Variants in STK11IP observed in about 807,000 individuals in gnomAD.
The protein encoded by STK11IP is serine/threonine kinase 11 interacting protein.
In STK11IP, 103 loss-of-function variants were observed where a neutral mutation model predicts 131.7. That is an observed-to-expected ratio of 0.78 (90% CI 0.67 to 0.92). The LOEUF is 0.92. Among genes scored for constraint, STK11IP ranks in the 40% least tolerant of loss-of-function variants. The probability of loss-of-function intolerance (pLI) is 0.00; values close to 1 mark genes in which losing one functional copy is unlikely to be tolerated. For synonymous variants in STK11IP, 557 were observed against 575.6 expected, an observed-to-expected ratio of 0.97 and a Z score of 0.46; for missense variants, 1,315 against 1,385.7, an observed-to-expected ratio of 0.95 and a Z score of 0.81.
In STK11IP at chr2:219,608,114, C is replaced by G. The variant is rs1206807440; in HGVS notation, c.1287C>G (p.Asn429Lys). The G allele has an allele frequency of 6.2e-7, 1 of 1,613,342 alleles. No homozygotes were observed. The highest frequency in any genetic ancestry group is 1.3e-5 in the African/African-American group (1 of 75,040). ...GCTTCCGGGAACGGTTCGGCCGCAACTGGCTGCAGTACAGGAGTCACCTGG... is the reference window on the plus strand; with the variant it reads ...GCTTCCGGGAACGGTTCGGCCGCAAGTGGCTGCAGTACAGGAGTCACCTGG... Reference protein sequence around the residue: ...MSSFRERFGRNWLQYRSHLEP... With the variant: ...MSSFRERFGRKWLQYRSHLEP... Residue 429 changes from asparagine to lysine, a missense_variant, in exon 14 of 25, where the codon AAC (asparagine) becomes AAG (lysine). Asn to Lys is a moderately conservative substitution (Grantham distance 94, BLOSUM62 0). Coordinates refer to ENST00000456909, the MANE Select transcript of STK11IP (RefSeq NM_052902.4).
At chr2:219,615,765 C>T (rs1031514443) in intron 24 of STK11IP, 5 of 672,492 alleles carry the variant, frequency 7.4e-6, no homozygotes, top group African/African-American at 3.5e-5. Context: ...GTGGTGGAGC[C>T]GGGAATTGAA....
chr2:219,614,048 G>A (rs1454733625), intron 21 of STK11IP, 113 bp from the exon 22 acceptor site: 1 of 1,521,430 alleles, frequency 6.6e-7, no homozygotes. Context: ...CTTGTCCCTT[G>A]TAGAAGTTTC....
At chr2:219,606,113 A>T (rs1377103029) in intron 9 of STK11IP, 54 bp downstream of exon 9, 1 of 1,545,248 alleles carries the variant, frequency 6.5e-7, no homozygotes, top group South Asian at 1.2e-5. Flanking sequence ...GTACCCCCCC[A>T]TGCTGGTTTG....
intron 5 of STK11IP, 54 bp from the exon 6 acceptor site, chr2:219,602,414 G>C: frequency 1.5e-6 from 2 of 1,360,442 alleles, no homozygotes; most frequent in East Asian, 4.6e-5. Context: ...GCTTGGCCTT[G>C]GCATAGGGAG....
chr2:219,609,156 T>G lies in STK11IP; in HGVS notation c.1869T>G (p.Pro623=). 6.2e-7 allele frequency: 1 copy of G among 1,610,780 alleles called. No homozygotes were observed. The highest frequency in any genetic ancestry group is 8.5e-7 in the Non-Finnish European group (1 of 1,178,650). The change falls in exon 16 of 25, where the codon CCT becomes CCG. Residue 623 remains proline, a synonymous_variant. Transcript: ENST00000456909. ...GTCTGCGCTTCTCCTACATCTGCCC[T>G]GACCGGCAGTTGCGTCGCTATTTGG... ...ILSLRFSYIC[P]DRQLRRYLVL... is the part of the protein sequence containing the mutation.
intron 13 of STK11IP, 37 bp downstream of exon 13, chr2:219,607,174 C>T: frequency 6.3e-7 from 1 of 1,590,238 alleles, no homozygotes; most frequent in Non-Finnish European, 8.6e-7. Context: ...CTCTCGTCCC[C>T]AGCGAGCTCA....
In STK11IP at chr2:219,606,182, TC is replaced by T; in HGVS notation, c.850-11del. 1.3e-6 allele frequency: 2 copies of T among 1,557,582 alleles called. No individual in the cohort carries two copies. The highest frequency in any genetic ancestry group is 1.7e-6 in the Non-Finnish European group (2 of 1,150,172). Reference sequence around the variant, plus strand: ...CCCCAGGCCCTCCTCATTCTCCCCTTCCTGCCCCTCAGCTCTACCTGGAGGG... The same window carrying T: ...CCCCAGGCCCTCCTCATTCTCCCCTTCTGCCCCTCAGCTCTACCTGGAGGG... On this transcript the variant is annotated splice_polypyrimidine_tract_variant and intron_variant, in intron 9 of 24. Transcript: ENST00000456909.
At chr2:219,613,952 C>A in intron 21 of STK11IP, 22 bp downstream of exon 21, 1 of 1,162,034 alleles carries the variant, frequency 8.6e-7, no homozygotes, top group Admixed American at 2.4e-5. Context: ...GAGGGGAAGG[C>A]AGGAGGGTGG....
At chr2:219,604,828 T>C (rs1698097716) in intron 7 of STK11IP, among the ~76,000 whole-genome samples, 1 of 151,610 alleles carries the variant, frequency 6.6e-6, no homozygotes, top group African/African-American at 2.4e-5. Context: ...TGGACTTTTT[T>C]CCTTTTTTTT....
Position 219,616,291 on chromosome 2 carries a change from G to A in STK11IP, c.*98G>A. 2 of 1,439,706 alleles carry A rather than the reference G, an allele frequency of 1.4e-6. No individual in the cohort carries two copies. Among genetic ancestry groups the A allele is most frequent in the Non-Finnish European group, 1.9e-6 (2 of 1,075,148 alleles). 89.2% of individuals were successfully genotyped at this position (1,439,706 alleles called of 1,614,324 possible). A position where few individuals can be genotyped will look rare whatever the true frequency, so the allele number is the denominator to read the frequency against. ...TGGCTTCCAGGCTCTGGCTGTGGAT[G>A]TCTTCAGCCTCTGGGTGCTGGCCAG... On this transcript the variant is annotated 3_prime_UTR_variant, in exon 25 of 25. Coordinates refer to ENST00000456909, the MANE Select transcript of STK11IP (RefSeq NM_052902.4).
At position 219,606,510 on chromosome 2, in the gene STK11IP, A is replaced by C; in HGVS notation, c.980A>C (p.Asp327Ala). 1.9e-6 allele frequency: 3 copies of C among 1,612,560 alleles called. No individual in the cohort carries two copies. In the East Asian group the frequency reaches 6.7e-5, roughly 36 times the overall value. ...LLDGKVLSLT[D>A]FQTHTSLGLS... is the part of the protein sequence containing the mutation. Reference sequence around the variant, plus strand: ...GATGGCAAGGTCTTGTCACTGACAGATTTTCAGGTCGGTGTGGTTGGGGGG... The same window carrying C: ...GATGGCAAGGTCTTGTCACTGACAGCTTTTCAGGTCGGTGTGGTTGGGGGG... The change falls in exon 11 of 25, where the codon GAT becomes GCT. Residue 327 changes from aspartate (D) to alanine (A), a missense_variant. Coordinates refer to ENST00000456909, the MANE Select transcript of STK11IP (RefSeq NM_052902.4).
Position 219,608,038 on chromosome 2 carries a change from C to T in STK11IP, c.1220-9C>T, listed in dbSNP as rs761238070. On this transcript the variant is annotated splice_polypyrimidine_tract_variant and intron_variant, in intron 13 of 24. Transcript: ENST00000456909. ...GGCTTGCTCAGTTCTGGGTTCCCCT[C>T]CTGCCTAGGATGGTTCGTGCAGCAG... 7 of 1,607,026 alleles carry T rather than the reference C, an allele frequency of 4.4e-6. No individual in the cohort carries two copies. The highest frequency in any genetic ancestry group is 5.9e-6 in the Non-Finnish European group (7 of 1,176,586).
Position 219,613,224 on chromosome 2 carries a change from C to T in STK11IP, c.2536C>T (p.Arg846Cys), listed in dbSNP as rs116409665. ...LYLLKVTGEMREPPASWLQLT... is the reference protein window; with the variant it reads ...LYLLKVTGEMCEPPASWLQLT... ...CCTGTTGAAGGTGACTGGGGAGATG[C>T]GGTGAGTGAGAGGGGAGATGCAGTG... The change falls in exon 20 of 25, where the codon CGT becomes TGT. Residue 846 changes from arginine to cysteine, a missense_variant and splice_region_variant. Arg to Cys is a radical substitution (Grantham distance 180). Transcript: ENST00000456909. 2.9e-3 allele frequency: 4,250 copies of T among 1,483,512 alleles called. 100 individuals are homozygous for T. The African/African-American group carries it at 0.054, about 19-fold the overall frequency. 91.9% of individuals were successfully genotyped at this position (1,483,512 alleles called of 1,614,324 possible).
At chr2:219,615,448 G>A in intron 24 of STK11IP, 107 bp downstream of exon 24, 2 of 1,412,484 alleles carry the variant, frequency 1.4e-6, no homozygotes, top group Non-Finnish European at 1.9e-6. Context: ...GGGCATTGGT[G>A]GCAGGATGGC....
At chr2:219,600,461 G>A (rs776042618) in intron 2 of STK11IP, among the ~76,000 whole-genome samples, 1 of 152,154 alleles carries the variant, frequency 6.6e-6, no homozygotes, top group Non-Finnish European at 1.5e-5. Flanking sequence ...GGAAAACTGG[G>A]TAAAGGATAC....
rs773828209 is a variant in STK11IP, at chr2:219,616,074, C to T, written c.3148C>T (p.Arg1050Cys). The T allele has an allele frequency of 1.5e-5, 24 of 1,613,826 alleles. No individual in the cohort carries two copies. Among genetic ancestry groups the T allele is most frequent in the East Asian group, 2.2e-5 (1 of 44,882 alleles). The change falls in exon 25 of 25, where the codon CGT becomes TGT. Residue 1050 changes from arginine (R) to cysteine (C), a missense_variant. Transcript: ENST00000456909. The stretch of plus-strand genomic sequence containing the variant: ...CCGGCTGGAGAGCTTTTGGGCACTC[C>T]GTGTGGTGTGTCAGGAGCAGCTGAC... ...VSRLESFWAL[R>C]VVCQEQLTAL...
At chr2:219,600,047 T>TTTTTG (rs1559175161) in intron 2 of STK11IP, among the ~76,000 whole-genome samples, 1 of 139,196 alleles carries the variant, frequency 7.2e-6, no homozygotes, top group Non-Finnish European at 1.5e-5. Context: ...TTGTGTTTTT[T>TTTTTG]TTTTTGTTTT....
intron 17 of STK11IP, among the ~76,000 whole-genome samples, chr2:219,611,354 G>A (rs1437171140): frequency 6.6e-6 from 1 of 152,226 alleles, no homozygotes; most frequent in African/African-American, 2.4e-5. Context: ...AGGGCCTAGA[G>A]TTAGAAGGTA....
intron 17 of STK11IP, among the ~76,000 whole-genome samples, chr2:219,611,118 C>T (rs1024447140): frequency 6.6e-6 from 1 of 152,104 alleles, no homozygotes; most frequent in Non-Finnish European, 1.5e-5. Flanking sequence ...GTTTTATAGA[C>T]GAGGAACCAG....
Sources: allele counts gnomAD v4.1 joint callset (sites outside exome capture counted in the v4.1 genomes callset), GRCh38; gene constraint gnomAD v4.1.1; transcripts MANE v1.5; gene names NCBI Gene and HGNC (gene_info 2026-07-23, HGNC 2026-07-21).